Variants in PHOX2B observed in about 807,000 individuals in gnomAD.
PHOX2B encodes the protein paired like homeobox 2B.
PHOX2B carries 1 observed loss-of-function variant against 15.5 expected under a neutral mutation model. That is an observed-to-expected ratio of 0.06 (90% confidence interval 0.02 to 0.31). The LOEUF (loss-of-function observed/expected upper bound fraction) is 0.31, where lower values mean the gene tolerates loss of function less well. PHOX2B is among the 10% of genes least tolerant of loss of function. The pLI is 1.00. For missense variants in PHOX2B, 314 were observed against 436.4 expected (o/e 0.72, Z 2.50); for synonymous variants, 206 against 190.5 (o/e 1.08, Z -0.67).
At chr4:41,747,109 C>A (rs993915814) in intron 2 of PHOX2B, among the ~76,000 whole-genome samples, 3 of 152,204 alleles carry the variant, frequency 2.0e-5, no homozygotes, top group Non-Finnish European at 2.9e-5. Context: ...CGTCCCAAGG[C>A]CCCCCATGTC....
At position 41,745,729 on chromosome 4, in the gene PHOX2B, T is replaced by C. The variant is rs957517040; in HGVS notation, c.*78A>G. On this transcript the variant is annotated 3_prime_UTR_variant, in exon 3 of 3. Transcript: ENST00000226382. The surrounding 1 kb of genome is among the most constrained non-coding windows in gnomAD (Gnocchi z 4.0). The stretch of plus-strand genomic sequence containing the variant: ...GCAGCGACGACAATAGCCTTGGGCC[T>C]ACCCGCTCGCCCACTCGCCCGCCCG... The C allele has an allele frequency of 3.3e-5, 51 of 1,528,990 alleles. No homozygotes were observed. Among genetic ancestry groups the C allele is most frequent in the Non-Finnish European group, 4.1e-5 (46 of 1,135,644 alleles). 94.7% of individuals were successfully genotyped at this position (1,528,990 alleles called of 1,614,324 possible).
At position 41,745,889 on chromosome 4, in the gene PHOX2B, C is replaced by T. The variant is rs1467154345; in HGVS notation, c.863G>A (p.Gly288Glu). The T allele has an allele frequency of 1.9e-6, 3 of 1,608,362 alleles. No homozygotes were observed. Among genetic ancestry groups the T allele is most frequent in the South Asian group, 2.2e-5 (2 of 90,544 alleles). Reference protein sequence around the residue: ...GPITSIPDSLGGPFASVLSSL... With the variant: ...GPITSIPDSLEGPFASVLSSL... Reference sequence around the variant, plus strand: ...AGATAGGACGCTGGCGAAGGGACCCCCAAGCGAATCCGGGATGGAGGTGAT... The same window carrying T: ...AGATAGGACGCTGGCGAAGGGACCCTCAAGCGAATCCGGGATGGAGGTGAT... Residue 288 changes from glycine to glutamate, a missense_variant, in exon 3 of 3, where the codon GGG (glycine) becomes GAG (glutamate). Coordinates refer to ENST00000226382, the MANE Select transcript of PHOX2B (RefSeq NM_003924.4). This position sits in a 1 kb window ranked among gnomAD's most constrained non-coding sequence, Gnocchi z 4.0.
At chr4:41,747,304 C>T (rs1484667828) in intron 2 of PHOX2B, 45 bp downstream of exon 2, 4 of 1,539,708 alleles carry the variant, frequency 2.6e-6, no homozygotes, top group Admixed American at 3.3e-5. Context: ...CCACACCTCC[C>T]CGGACCAGTG....
At chr4:41,747,251 C>T in intron 2 of PHOX2B, 98 bp downstream of exon 2, 2 of 1,007,222 alleles carry the variant, frequency 2.0e-6, no homozygotes, top group South Asian at 1.3e-5. Context: ...GTCCTTCTCA[C>T]TCGAGGCTCC....
At chr4:41,748,304 A>T (rs1733976008) in intron 1 of PHOX2B, 66 bp downstream of exon 1, 3 of 1,568,090 alleles carry the variant, frequency 1.9e-6, no homozygotes, top group Admixed American at 1.7e-5. Flanking sequence ...TTTCAAATGC[A>T]ATCAAGGCTT....
Position 41,747,399 on chromosome 4 carries a change from T to C in PHOX2B, c.379A>G (p.Thr127Ala). ...ATCTTCAGGGCCAGCTCCTCCCGAG[T>C]GTAGATGTCGGGGTAGTGAGTCTCC... ...FAETHYPDIY[T>A]REELALKIDL... Residue 127 changes from threonine to alanine, a missense_variant, in exon 2 of 3, where the codon ACT becomes GCT. Physicochemically the swap from Thr to Ala is moderately conservative, Grantham distance 58. Around this residue, in one of 7 missense-constraint regions of PHOX2B, gnomAD observed 9 missense variants for 22.0 expected, o/e 0.41. Coordinates refer to ENST00000226382, the MANE Select transcript of PHOX2B (RefSeq NM_003924.4). 6.2e-7 allele frequency: 1 copy of C among 1,609,960 alleles called. No homozygotes were observed.
chr4:41,746,831 A>C (rs1001913562), intron 2 of PHOX2B, among the ~76,000 whole-genome samples: 14 of 152,178 alleles, frequency 9.2e-5, no homozygotes, highest in African/African-American at 3.1e-4. Context: ...GCTGTGGCCA[A>C]CTCGTGAGCG....
chr4:41,747,327 G>A, intron 2 of PHOX2B, 22 bp downstream of exon 2: 1 of 1,595,600 alleles, frequency 6.3e-7, no homozygotes, highest in South Asian at 1.1e-5. Context: ...GCGGAGCGGG[G>A]TCGGTTTCCA....
In PHOX2B at chr4:41,744,559, C is replaced by A. The variant is rs1733824785; in HGVS notation, c.*1248G>T. 1 of 233,282 alleles carries A rather than the reference C, an allele frequency of 4.3e-6. No individual in the cohort carries two copies. Among genetic ancestry groups the A allele is most frequent in the Non-Finnish European group, 8.5e-6 (1 of 117,876 alleles). The allele number at this position is 233,282 out of a possible 1,614,324, so 14.5% of individuals were successfully genotyped here. On this transcript the variant is annotated 3_prime_UTR_variant, in exon 3 of 3. Transcript: ENST00000226382. ...GAGTTTGTGCCTTTTAAAATAAAAACAACAACAAAGAATCAAAACAGAGAT... is the reference window on the plus strand; with the variant it reads ...GAGTTTGTGCCTTTTAAAATAAAAAAAACAACAAAGAATCAAAACAGAGAT...
Position 41,747,342 on chromosome 4 carries a change from C to T in PHOX2B, c.429+7G>A. 1 of 1,603,660 alleles carries T rather than the reference C, an allele frequency of 6.2e-7. No individual in the cohort carries two copies. The highest frequency in any genetic ancestry group is 8.5e-7 in the Non-Finnish European group (1 of 1,179,190). On this transcript the variant is annotated splice_region_variant and intron_variant, in intron 2 of 2. Transcript: ENST00000226382. ...GCGGAGCGGGGTCGGTTTCCAGGCG[C>T]GCGTACCTGGACTCGCGCCTCTGTG...
intron 1 of PHOX2B, among the ~76,000 whole-genome samples, chr4:41,748,071 C>G (rs939018717): frequency 1.3e-5 from 2 of 152,258 alleles, no homozygotes; most frequent in East Asian, 3.9e-4. Context: ...GAGCTTTACT[C>G]TTTGTTATTT....
chr4:41,746,213 C>T lies in PHOX2B; in HGVS notation c.539G>A (p.Arg180Lys). 1 of 1,613,922 alleles carries T rather than the reference C, an allele frequency of 6.2e-7. No homozygotes were observed. Among genetic ancestry groups the T allele is most frequent in the African/African-American group, 1.3e-5 (1 of 75,038 alleles). The change falls in exon 3 of 3, where the codon AGG becomes AAG. Residue 180 changes from arginine to lysine, a missense_variant. Arg to Lys is a conservative substitution (Grantham distance 26). This residue lies in a region of PHOX2B where 31 missense variants were observed against 29.6 expected (regional missense o/e 1.05). Transcript: ENST00000226382. The part of the protein sequence containing the change: ...GSSGKKSDSS[R>K]DDESKEAKST... ...CTTGGCCTCTTTGCTCTCGTCGTCC[C>T]TGGAAGAGTCAGACTTTTTGCCCGA... is the stretch of plus-strand genomic sequence containing the variant.
Position 41,748,617 on chromosome 4 carries a change from G to T in PHOX2B, c.-7C>A, listed in dbSNP as rs534756790. The T allele has an allele frequency of 2.3e-5, 37 of 1,612,974 alleles. No individual in the cohort carries two copies. The highest frequency in any genetic ancestry group is 3.3e-4 in the Middle Eastern group (2 of 6,062). On this transcript the variant is annotated 5_prime_UTR_variant, in exon 1 of 3. Transcript: ENST00000226382. ...AATATTCCATTTTATACATTGAAAA[G>T]GTTCTGGATGGCTCAGCCAAGTGGA...
rs878854616 is a variant in PHOX2B at position 41,748,476 on chromosome 4, G to A, written c.135C>T (p.Asn45=). The A allele has an allele frequency of 4.3e-6, 7 of 1,614,086 alleles. No homozygotes were observed. The African/African-American group carries it at 8.0e-5, about 18-fold the overall frequency. ...TGGCCCCAAAAGTGGTCCTTATCGG[G>A]TTATACTGGAAGCCACTGGCCTGGC... is the stretch of plus-strand genomic sequence containing the variant. The part of the protein sequence containing the change: ...SCSQASGFQY[N]PIRTTFGATS... The change falls in exon 1 of 3, where the codon AAC becomes AAT. Residue 45 remains asparagine (N), a synonymous_variant. Transcript: ENST00000226382.
In PHOX2B at chr4:41,745,972, AGCTGCCGCCGCTGCCGCTGCC is replaced by A; in HGVS notation, c.759_779del (p.Ala254_Ala260del). ...GGCCCCCAGCCGCAGCCAGGCCTCC[AGCTGCCGCCGCTGCCGCTGCC>A]GCCGCCGCCGCTGCCGCGGCCGCCG... On this transcript the variant is annotated inframe_deletion, in exon 3 of 3. Transcript: ENST00000226382. This position sits in a 1 kb window ranked among gnomAD's most constrained non-coding sequence, Gnocchi z 4.0. 1 of 1,328,456 alleles carries A rather than the reference AGCTGCCGCCGCTGCCGCTGCC, an allele frequency of 7.5e-7. No individual in the cohort carries two copies. The allele number at this position is 1,328,456 out of a possible 1,614,324, so 82.3% of individuals were successfully genotyped here.
rs1432370889 is a variant in PHOX2B, at chr4:41,747,444, C to G, written c.334G>C (p.Glu112Gln). 6.2e-7 allele frequency: 1 copy of G among 1,611,552 alleles called. No homozygotes were observed. The highest frequency in any genetic ancestry group is 8.5e-7 in the Non-Finnish European group (1 of 1,179,888). Residue 112 changes from glutamate to glutamine, a missense_variant, in exon 2 of 3, where the codon GAG becomes CAG. Coordinates refer to ENST00000226382, the MANE Select transcript of PHOX2B (RefSeq NM_003924.4). ...GTCTCCGCGAAGACCCTTTCCAGCT[C>G]TTTGAGCTGGGCACTGGTGAAAGTG... The part of the protein sequence containing the change: ...RTTFTSAQLK[E>Q]LERVFAETHY...
In PHOX2B at chr4:41,745,776, G is replaced by A; in HGVS notation, c.*31C>T. On this transcript the variant is annotated 3_prime_UTR_variant, in exon 3 of 3. Transcript: ENST00000226382. The surrounding 1 kb of genome is among the most constrained non-coding windows in gnomAD (Gnocchi z 4.0). ...CCCGGGCCCTGGCTCGCCCGCTGTC[G>A]CCGCCGCCGCCGCCGCCGCAGGATT... is the stretch of plus-strand genomic sequence containing the variant. 2 of 1,525,248 alleles carry A rather than the reference G, an allele frequency of 1.3e-6. No individual in the cohort carries two copies. Among genetic ancestry groups the A allele is most frequent in the South Asian group, 1.2e-5 (1 of 83,090 alleles). The allele number at this position is 1,525,248 out of a possible 1,614,324, so 94.5% of individuals were successfully genotyped here.
At position 41,745,938 on chromosome 4, in the gene PHOX2B, C is replaced by G; in HGVS notation, c.814G>C (p.Gly272Arg). ...ATGGGGCCGGGGCCGGGAGCCCAGC[C>G]TTGTCCAGGGCCCCCAGCCGCAGCC... is the stretch of plus-strand genomic sequence containing the variant. ...GLAAAGGPGQGWAPGPGPITS... is the reference protein window; with the variant it reads ...GLAAAGGPGQRWAPGPGPITS... Residue 272 changes from glycine (G) to arginine (R), a missense_variant, in exon 3 of 3, where the codon GGC (glycine) becomes CGC (arginine). This residue lies in a region of PHOX2B where 157 missense variants were observed against 169.0 expected (regional missense o/e 0.93). Transcript: ENST00000226382. This position sits in a 1 kb window ranked among gnomAD's most constrained non-coding sequence, Gnocchi z 4.0. The G allele has an allele frequency of 1.3e-6, 2 of 1,575,116 alleles. No individual in the cohort carries two copies. Among genetic ancestry groups the G allele is most frequent in the Non-Finnish European group, 1.7e-6 (2 of 1,162,862 alleles).
rs766500239 is a variant in PHOX2B, at chr4:41,748,497, C to T, written c.114G>A (p.Gln38=). 1 of 1,614,180 alleles carries T rather than the reference C, an allele frequency of 6.2e-7. No individual in the cohort carries two copies. Among genetic ancestry groups the T allele is most frequent in the Non-Finnish European group, 8.5e-7 (1 of 1,180,028 alleles). Residue 38 remains glutamine (Q), a synonymous_variant, in exon 1 of 3, where the codon CAG becomes CAA. Coordinates refer to ENST00000226382, the MANE Select transcript of PHOX2B (RefSeq NM_003924.4). Reference sequence around the variant, plus strand: ...TCGGGTTATACTGGAAGCCACTGGCCTGGCTGCAGGAACTGAAGTCAGCAT... The same window carrying T: ...TCGGGTTATACTGGAAGCCACTGGCTTGGCTGCAGGAACTGAAGTCAGCAT... ...SAYADFSSCS[Q]ASGFQYNPIR... is the part of the protein sequence containing the mutation.
Sources: allele counts gnomAD v4.1 joint callset (sites outside exome capture counted in the v4.1 genomes callset), GRCh38; gene constraint gnomAD v4.1.1; regional missense constraint gnomAD v4.1.1; non-coding constraint Gnocchi (gnomAD v3.1); transcripts MANE v1.5; gene names NCBI Gene and HGNC (gene_info 2026-07-23, HGNC 2026-07-21).